The following SLIT2 variants were observed in gnomAD, a reference collection of about 807,000 sequenced individuals.
SLIT2 encodes slit guidance ligand 2.
Under a neutral mutation model 185.7 loss-of-function variants are expected in SLIT2, and 41 were observed. The ratio of observed to expected loss-of-function variants is 0.22; its 90% CI spans 0.17 to 0.29. The LOEUF (loss-of-function observed/expected upper bound fraction) is 0.29. SLIT2 is among the 10% of genes least tolerant of loss of function. The pLI is 1.00. For missense variants in SLIT2, 1,571 were observed against 1,909.0 expected (o/e 0.82, Z 3.30); for synonymous variants, 693 against 680.2 (o/e 1.02, Z -0.29).
rs192801138 is a variant in SLIT2 at position 20,295,480 on chromosome 4, C to T, written c.395+26599C>T. ...ATGACTTTTGGGGGAAATCTTCACT[C>T]AGGTTTGGGCAGTGAAGTTACTGCT... On this transcript the variant is annotated intron_variant, in intron 4 of 36. Coordinates refer to ENST00000504154, the MANE Select transcript of SLIT2 (RefSeq NM_004787.4). Among the ~76,000 whole-genome samples, 425 of 152,292 alleles carry T rather than the reference C, an allele frequency of 2.8e-3. 3 individuals are homozygous for T. The highest frequency in any genetic ancestry group is 0.024 in the Middle Eastern group (7 of 294).
At chr4:20,557,311 A>G (rs576922344) in intron 26 of SLIT2, among the ~76,000 whole-genome samples, 14 of 152,184 alleles carry the variant, frequency 9.2e-5, no homozygotes, top group Admixed American at 5.9e-4. Context: ...CCTGGCTTCA[A>G]AGTTTCAGAG....
intron 4 of SLIT2, among the ~76,000 whole-genome samples, chr4:20,331,123 C>G (rs1432228137): frequency 6.6e-6 from 1 of 152,026 alleles, no homozygotes; most frequent in African/African-American, 2.4e-5. Context: ...GAGGAAATGT[C>G]CTGTTGTTAT....
In SLIT2 at chr4:20,343,570, C is replaced by T. The variant is rs1037549283; in HGVS notation, c.395+74689C>T. ...AGGCTGGAGGGCACCGACAGCATCA[C>T]GGCTCACAGCACCCTCAACCTCCTG... On this transcript the variant is annotated intron_variant, in intron 4 of 36. Transcript: ENST00000504154. Among the ~76,000 whole-genome samples the T allele has an allele frequency of 1.1e-4, 17 of 152,066 alleles. No individual in the cohort carries two copies. In the South Asian group the frequency reaches 1.5e-3, roughly 13 times the overall value.
Position 20,412,476 on chromosome 4 carries a change from A to T in SLIT2, c.396-55276A>T, listed in dbSNP as rs141182692. Among the ~76,000 whole-genome samples, 961 of 152,260 alleles carry T rather than the reference A, an allele frequency of 6.3e-3. 3 individuals are homozygous for T. The highest frequency in any genetic ancestry group is 8.9e-3 in the Non-Finnish European group (608 of 68,000). On this transcript the variant is annotated intron_variant, in intron 4 of 36. Coordinates refer to ENST00000504154, the MANE Select transcript of SLIT2 (RefSeq NM_004787.4). ...CCTATATCAGAACTGCTGATTTAAT[A>T]TAAAAGAAAATCCAAATTAATTGTT... is the stretch of plus-strand genomic sequence containing the variant.
intron 3 of SLIT2, among the ~76,000 whole-genome samples, chr4:20,262,191 A>G (rs138995546): frequency 6.6e-6 from 1 of 151,948 alleles, no homozygotes; most frequent in Admixed American, 6.6e-5. Context: ...ACTACATTCT[A>G]ATGAGATGGT....
intron 34 of SLIT2, chr4:20,616,044 G>C (rs1041842849): frequency 6.6e-6 from 1 of 152,224 alleles, no homozygotes; most frequent in African/African-American, 2.4e-5. Flanking sequence ...ACTGTCACTA[G>C]TGGAATGTAT....
chr4:20,417,532 A>G (rs1422037116), intron 4 of SLIT2, among the ~76,000 whole-genome samples: 3 of 149,984 alleles, frequency 2.0e-5, no homozygotes, highest in Non-Finnish European at 3.0e-5. Context: ...GTATATATAT[A>G]TATGTATATA....
intron 9 of SLIT2, among the ~76,000 whole-genome samples, chr4:20,497,199 C>T (rs1052692292): frequency 6.6e-6 from 1 of 151,484 alleles, no homozygotes; most frequent in Non-Finnish European, 1.5e-5. Context: ...TCTAATGAAG[C>T]CTGTAGACAT....
In SLIT2 at chr4:20,472,222, G is replaced by A. The variant is rs1257608512; in HGVS notation, c.467+4399G>A. Reference sequence around the variant, plus strand: ...TTGCTTTAGAAATGTGTGTGTGTGTGTATATATATATAGATCTATATATCT... The same window carrying A: ...TTGCTTTAGAAATGTGTGTGTGTGTATATATATATATAGATCTATATATCT... On this transcript the variant is annotated intron_variant, in intron 5 of 36. Transcript: ENST00000504154. Among the ~76,000 whole-genome samples, 14 of 94,240 alleles carry A rather than the reference G, an allele frequency of 1.5e-4. No individual in the cohort carries two copies. In the East Asian group the frequency reaches 1.8e-3, roughly 12 times the overall value. The allele number at this position is 94,240 out of a possible 152,430, so 61.8% of individuals were successfully genotyped here. A position where few individuals can be genotyped will look rare whatever the true frequency, so the allele number is the denominator to read the frequency against.
chr4:20,610,487 G>T (rs1286122773), intron 34 of SLIT2, among the ~76,000 whole-genome samples: 1 of 152,078 alleles, frequency 6.6e-6, no homozygotes, highest in Non-Finnish European at 1.5e-5. Context: ...TCTGGTCTAT[G>T]GAAAAGGAAA....
intron 34 of SLIT2, chr4:20,615,592 A>G (rs1729590001): frequency 6.6e-6 from 1 of 152,382 alleles, no homozygotes; most frequent in Admixed American, 6.5e-5. Context: ...GAGAAGAAAT[A>G]ACTGCTCCAA....
chr4:20,364,575 T>C (rs1385195386), intron 4 of SLIT2, among the ~76,000 whole-genome samples: 2 of 152,134 alleles, frequency 1.3e-5, no homozygotes, highest in East Asian at 3.9e-4. Flanking sequence ...TTGGTGTAAT[T>C]ATACTTAATT....
chr4:20,544,579 G>C (rs1482062444), intron 21 of SLIT2, among the ~76,000 whole-genome samples: 1 of 152,068 alleles, frequency 6.6e-6, no homozygotes, highest in Admixed American at 6.6e-5. Flanking sequence ...CCCCTGGAGA[G>C]CTTATTCTTG....
chr4:20,564,977 T>C (rs530055919), intron 26 of SLIT2, among the ~76,000 whole-genome samples: 1 of 152,098 alleles, frequency 6.6e-6, no homozygotes, highest in African/African-American at 2.4e-5. Context: ...AAATCCCCAC[T>C]ACGTGGTAAA....
intron 17 of SLIT2, 186 bp from the exon 18 acceptor site, chr4:20,533,386 C>T: frequency 1.7e-6 from 1 of 589,302 alleles, no homozygotes; most frequent in South Asian, 2.2e-5. Context: ...CACAGACATT[C>T]CCTGTTAGTA....
intron 3 of SLIT2, among the ~76,000 whole-genome samples, chr4:20,260,208 T>C (rs1244082132): frequency 6.6e-6 from 1 of 151,864 alleles, no homozygotes; most frequent in Non-Finnish European, 1.5e-5. Context: ...ATCTTTATTT[T>C]AGTCAGTGTC....
rs548918900 is a variant in SLIT2, at chr4:20,416,415, T to C, written c.396-51337T>C. ...TCTCATTACTTATTATCTCATTTAA[T>C]GTAGTTACCTCCTTAAAGGTCCTAT... On this transcript the variant is annotated intron_variant, in intron 4 of 36. Coordinates refer to ENST00000504154, the MANE Select transcript of SLIT2 (RefSeq NM_004787.4). Among the ~76,000 whole-genome samples the C allele has an allele frequency of 7.7e-4, 117 of 152,312 alleles. 1 individual carries two copies. The highest frequency in any genetic ancestry group is 1.9e-4 in the Non-Finnish European group (13 of 68,022).
At chr4:20,514,537 C>G (rs1036226481) in intron 11 of SLIT2, among the ~76,000 whole-genome samples, 1 of 151,968 alleles carries the variant, frequency 6.6e-6, no homozygotes, top group African/African-American at 2.4e-5. Flanking sequence ...CCCAGCTACT[C>G]GGAGAGTTGA....
intron 3 of SLIT2, 51 bp from the exon 4 acceptor site, chr4:20,268,759 T>G: frequency 9.0e-7 from 1 of 1,105,360 alleles, no homozygotes; most frequent in Non-Finnish European, 1.4e-6. Context: ...CACAGTCTCA[T>G]TGTTGGGTAT....
Sources: gnomAD v4.1 joint callset for allele counts (sites outside exome capture counted in the v4.1 genomes callset) on GRCh38, gnomAD v4.1.1 for gene constraint, MANE v1.5 for transcripts, NCBI Gene and HGNC (gene_info 2026-07-23, HGNC 2026-07-21) for gene names.